ANK1: variants seen among roughly 807,000 people sequenced by gnomAD.
ANK1 encodes the protein ankyrin-1.
A neutral mutation model predicts 210.4 loss-of-function variants in ANK1; 51 were observed. The observed-to-expected ratio is 0.24, with a 90% CI of 0.19 to 0.31. ANK1 has a LOEUF of 0.31. Among genes scored for constraint, ANK1 ranks in the 10% least tolerant of loss-of-function variants. The pLI is 1.00. For missense variants in ANK1, 2,051 were observed against 2,504.4 expected (o/e 0.82, Z 3.86); for synonymous variants, 967 against 1,025.9 (o/e 0.94, Z 1.10).
intron 1 of ANK1, among the ~76,000 whole-genome samples, chr8:41,807,929 G>A (rs1435729830): frequency 6.7e-6 from 1 of 149,440 alleles, no homozygotes; most frequent in Non-Finnish European, 1.5e-5. Context: ...GAAGGGGGAA[G>A]GAGGAGGGAG....
chr8:41,818,512 TA>T (rs1803675988), intron 1 of ANK1, among the ~76,000 whole-genome samples: 1 of 152,240 alleles, frequency 6.6e-6, no homozygotes, highest in African/African-American at 2.4e-5. Flanking sequence ...GTGAGCTCTC[TA>T]AAAATTTTTT....
chr8:41,863,212 A>T (rs1292890586), intron 1 of ANK1, among the ~76,000 whole-genome samples: 1 of 151,890 alleles, frequency 6.6e-6, no homozygotes, highest in Non-Finnish European at 1.5e-5. Context: ...CAAAAAAATT[A>T]GCTGGGCGTT....
intron 30 of ANK1, 22 bp downstream of exon 30, chr8:41,693,083 G>A: frequency 1.9e-6 from 3 of 1,581,614 alleles, no homozygotes; most frequent in Non-Finnish European, 2.6e-6. Context: ...CACAATACTG[G>A]GCTGGGCTGG....
intron 1 of ANK1, among the ~76,000 whole-genome samples, chr8:41,880,896 T>C (rs1678642503): frequency 1.3e-5 from 2 of 152,262 alleles, no homozygotes; most frequent in African/African-American, 4.8e-5. Context: ...CTTTGCTGCC[T>C]TACTTGGTAG....
At chr8:41,745,127 T>G (rs1179778742) in intron 2 of ANK1, among the ~76,000 whole-genome samples, 3 of 149,182 alleles carry the variant, frequency 2.0e-5, no homozygotes, top group Admixed American at 6.7e-5. Flanking sequence ...GAGGAAAGGA[T>G]GGAGGGGAGC....
chr8:41,797,462 G>A lies in ANK1; in HGVS notation c.27+50C>T, dbSNP rs1484179431. 4.5e-6 allele frequency: 7 copies of A among 1,561,476 alleles called. No homozygotes were observed. Among genetic ancestry groups the A allele is most frequent in the Non-Finnish European group, 6.1e-6 (7 of 1,138,798 alleles). ...GCTGCCTACTGGCGCGGCCTGGGTGGCCCCCTCCTGACATCTCCCCGTCCA... is the reference window on the plus strand; with the variant it reads ...GCTGCCTACTGGCGCGGCCTGGGTGACCCCCTCCTGACATCTCCCCGTCCA... On this transcript the variant is annotated intron_variant, in intron 1 of 42. Coordinates refer to ENST00000289734, the MANE Select transcript of ANK1 (RefSeq NM_000037.4). The surrounding 1 kb of genome is among the most constrained non-coding windows in gnomAD (Gnocchi z 4.0).
intron 1 of ANK1, among the ~76,000 whole-genome samples, chr8:41,814,113 G>A (rs950717845): frequency 1.7e-4 from 26 of 152,198 alleles, no homozygotes; most frequent in African/African-American, 6.3e-4. Flanking sequence ...TGTAATCCCA[G>A]CACTTTGGGA....
Position 41,655,718 on chromosome 8 carries a change from G to A in ANK1, c.*72C>T, listed in dbSNP as rs774815387. The A allele has an allele frequency of 1.9e-6, 3 of 1,614,080 alleles. No homozygotes were observed. The East Asian group carries it at 6.7e-5, about 36-fold the overall frequency. ...TCTCCTCCTGTGTGCATGGCAGAGT[G>A]TGTGGGGTTCAGGGGTTGGGTGTCG... is the stretch of plus-strand genomic sequence containing the variant. On this transcript the variant is annotated 3_prime_UTR_variant, in exon 43 of 43. Coordinates refer to ENST00000289734, the MANE Select transcript of ANK1 (RefSeq NM_000037.4).
At chr8:41,725,707 C>G in intron 6 of ANK1, 54 bp downstream of exon 6, 1 of 1,575,940 alleles carries the variant, frequency 6.3e-7, no homozygotes, top group South Asian at 1.1e-5. Flanking sequence ...CGCGGTGCCC[C>G]CTGAGCCCAC....
At chr8:41,769,682 G>T (rs1842610579) in intron 1 of ANK1, among the ~76,000 whole-genome samples, 1 of 152,110 alleles carries the variant, frequency 6.6e-6, no homozygotes, top group South Asian at 2.1e-4. Context: ...GCTAAGTTTT[G>T]GCATATGTAT....
intron 2 of ANK1, among the ~76,000 whole-genome samples, chr8:41,750,024 A>T (rs972912991): frequency 7.9e-5 from 12 of 152,236 alleles, no homozygotes; most frequent in Admixed American, 1.3e-4. Flanking sequence ...TGGAAATTGA[A>T]TGCCGTGAGC....
Position 41,695,522 on chromosome 8 carries a change from G to A in ANK1, c.2961-191C>T, listed in dbSNP as rs192686476. On this transcript the variant is annotated intron_variant, in intron 26 of 42. Transcript: ENST00000289734. ...GTTCCCCAGGGCTTCCCATGGCCCCGCTTGCTCCCCGCCAGGCCTGCAGTG... is the reference window on the plus strand; with the variant it reads ...GTTCCCCAGGGCTTCCCATGGCCCCACTTGCTCCCCGCCAGGCCTGCAGTG... Among the ~76,000 whole-genome samples, 19 of 152,266 alleles carry A rather than the reference G, an allele frequency of 1.2e-4. 1 individual carries two copies. The highest frequency in any genetic ancestry group is 1.0e-3 in the South Asian group (5 of 4,816).
At chr8:41,795,557 C>T (rs1448425619) in intron 1 of ANK1, among the ~76,000 whole-genome samples, 1 of 151,906 alleles carries the variant, frequency 6.6e-6, no homozygotes, top group Non-Finnish European at 1.5e-5. Flanking sequence ...AAACTAATTA[C>T]AGCTGCTTGA....
At chr8:41,732,089 A>G (rs1029647495) in intron 3 of ANK1, among the ~76,000 whole-genome samples, 15 of 152,232 alleles carry the variant, frequency 9.9e-5, no homozygotes, top group African/African-American at 3.6e-4. Context: ...ATGACATGAA[A>G]ATTACAGAAT....
chr8:41,758,545 T>G (rs1839738480), intron 1 of ANK1, among the ~76,000 whole-genome samples: 1 of 152,086 alleles, frequency 6.6e-6, no homozygotes, highest in African/African-American at 2.4e-5. Flanking sequence ...CATCACTATG[T>G]TGCTCAGGCT....
At chr8:41,886,985 T>C (rs1818555257) in intron 1 of ANK1, among the ~76,000 whole-genome samples, 1 of 152,168 alleles carries the variant, frequency 6.6e-6, no homozygotes, top group Non-Finnish European at 1.5e-5. Context: ...GCCTGGGCTC[T>C]TGGGGGCCAC....
chr8:41,822,697 G>C (rs558704739), intron 1 of ANK1, among the ~76,000 whole-genome samples: 1 of 152,284 alleles, frequency 6.6e-6, no homozygotes, highest in African/African-American at 2.4e-5. Context: ...CAATGAGGAT[G>C]ATGAGCTAAT....
intron 2 of ANK1, among the ~76,000 whole-genome samples, chr8:41,739,910 C>A (rs958553662): frequency 6.6e-6 from 1 of 152,114 alleles, no homozygotes; most frequent in Admixed American, 6.5e-5. Context: ...CAGCAGTGGC[C>A]TGCTCTTCCT....
chr8:41,717,659 A>G lies in ANK1; in HGVS notation c.1250T>C (p.Leu417Pro). 1 of 1,551,712 alleles carries G rather than the reference A, an allele frequency of 6.4e-7. No individual in the cohort carries two copies. The highest frequency in any genetic ancestry group is 8.7e-7 in the Non-Finnish European group (1 of 1,147,000). ...PLHVASFMGH[L>P]PIVKNLLQRG... ...CTGCAGGAGGTTCTTCACGATGGGA[A>G]GGTGCCCCATGAAGGAGGCCACGTG... Residue 417 changes from leucine to proline, a missense_variant, in exon 12 of 43, where the codon CTT becomes CCT. Leu to Pro is a moderately conservative substitution (Grantham distance 98). Around this residue, in one of 6 missense-constraint regions of ANK1, gnomAD observed 1,413 missense variants for 1,707.4 expected, o/e 0.83. Coordinates refer to ENST00000289734, the MANE Select transcript of ANK1 (RefSeq NM_000037.4).
Sources: allele counts gnomAD v4.1 joint callset (sites outside exome capture counted in the v4.1 genomes callset), GRCh38; gene constraint gnomAD v4.1.1; regional missense constraint gnomAD v4.1.1; non-coding constraint Gnocchi (gnomAD v3.1); transcripts MANE v1.5; gene names NCBI Gene and HGNC (gene_info 2026-07-23, HGNC 2026-07-21).